Variants in ACSL3 observed in about 807,000 individuals in gnomAD.
ACSL3 encodes the protein acyl-CoA synthetase long chain family member 3, also known as fatty acid CoA ligase Acsl3.
A neutral mutation model predicts 84.7 loss-of-function variants in ACSL3; 34 were observed. The observed-to-expected ratio is 0.40, with a 90% CI of 0.31 to 0.53. The LOEUF (loss-of-function observed/expected upper bound fraction) is 0.53. Among genes scored for constraint, ACSL3 ranks in the 20% least tolerant of loss-of-function variants. ACSL3 has a pLI of 0.48. For synonymous variants in ACSL3, 315 were observed against 299.4 expected, an observed-to-expected ratio of 1.05 and a Z score of -0.54; for missense variants, 680 against 873.1, an observed-to-expected ratio of 0.78 and a Z score of 2.79.
In ACSL3 at chr2:222,921,319, C is replaced by T; in HGVS notation, c.845C>T (p.Ala282Val). The T allele has an allele frequency of 2.5e-6, 4 of 1,601,012 alleles. No individual in the cohort carries two copies. The highest frequency in any genetic ancestry group is 1.3e-5 in the African/African-American group (1 of 74,800). The part of the protein sequence containing the change: ...PHSKPLPSDI[A>V]VIMYTSGSTG... ...AGCAAACCATTGCCCTCAGATATTGCAGTAATCATGTACACAAGTGGATCC... is the reference window on the plus strand; with the variant it reads ...AGCAAACCATTGCCCTCAGATATTGTAGTAATCATGTACACAAGTGGATCC... Residue 282 changes from alanine (A) to valine (V), a missense_variant, in exon 8 of 17, where the codon GCA becomes GTA. This residue lies in a region of ACSL3 where 333 missense variants were observed against 347.5 expected (regional missense o/e 0.96). Transcript: ENST00000357430.
chr2:222,865,465 G>A (rs1223374826), intron 1 of ACSL3, among the ~76,000 whole-genome samples: 1 of 152,158 alleles, frequency 6.6e-6, no homozygotes, highest in African/African-American at 2.4e-5. Flanking sequence ...TGTTTTGCAA[G>A]GTACTCGGAA....
chr2:222,931,399 G>A (rs1697026930), intron 14 of ACSL3, among the ~76,000 whole-genome samples: 1 of 144,176 alleles, frequency 6.9e-6, no homozygotes, highest in Non-Finnish European at 1.5e-5. Context: ...GGGCAACAGA[G>A]CAAGACTCTG....
chr2:222,877,164 T>A (rs1695470543), intron 1 of ACSL3, among the ~76,000 whole-genome samples: 1 of 152,034 alleles, frequency 6.6e-6, no homozygotes, highest in African/African-American at 2.4e-5. Context: ...TTGAGAAAGA[T>A]GGTGGAGAGC....
rs1697354941 is a variant in ACSL3, at chr2:222,942,893, A to G, written c.*1239A>G. On this transcript the variant is annotated 3_prime_UTR_variant, in exon 17 of 17. Coordinates refer to ENST00000357430, the MANE Select transcript of ACSL3 (RefSeq NM_004457.5). ...TGTTGAAGTTATTTGTAATTCAGAA[A>G]CCTTGCTTGTGTGATACATAGTCTC... 1 of 179,340 alleles carries G rather than the reference A, an allele frequency of 5.6e-6. No individual in the cohort carries two copies. The highest frequency in any genetic ancestry group is 1.0e-5 in the Non-Finnish European group (1 of 99,150). The allele number at this position is 179,340 out of a possible 1,614,324, so 11.1% of individuals were successfully genotyped here.
intron 4 of ACSL3, among the ~76,000 whole-genome samples, chr2:222,911,334 C>T (rs1244933635): frequency 6.6e-6 from 1 of 152,204 alleles, no homozygotes; most frequent in Non-Finnish European, 1.5e-5. Context: ...CAGGCATGAG[C>T]CACAGCGCCC....
chr2:222,935,292 C>T (rs909118421), intron 16 of ACSL3, among the ~76,000 whole-genome samples: 13 of 152,050 alleles, frequency 8.5e-5, no homozygotes, highest in Non-Finnish European at 1.2e-4. Flanking sequence ...CAGGCTCAAG[C>T]GATTCTTCCC....
At chr2:222,876,246 A>T (rs980183998) in intron 1 of ACSL3, among the ~76,000 whole-genome samples, 2 of 152,168 alleles carry the variant, frequency 1.3e-5, no homozygotes, top group Admixed American at 6.5e-5. Context: ...CCCTACCCTC[A>T]TGTGGGATAG....
In ACSL3 at chr2:222,922,810, AC is replaced by A; in HGVS notation, c.1061del (p.Pro354HisfsTer4). On this transcript the variant is annotated frameshift_variant, in exon 9 of 17. Transcript: ENST00000357430. LOFTEE classifies it high-confidence loss of function. ...ACGGATGCCGCATTGGTTACTCTTC[AC>A]CACAGACTTTAGCAGATCAGGTAAG... ...SHGCRIGYSS[P>X]QTLADQSSKI... is the part of the protein sequence containing the mutation. 1 of 1,614,146 alleles carries A rather than the reference AC, an allele frequency of 6.2e-7. No homozygotes were observed. The highest frequency in any genetic ancestry group is 8.5e-7 in the Non-Finnish European group (1 of 1,179,984).
intron 1 of ACSL3, among the ~76,000 whole-genome samples, chr2:222,880,742 A>G (rs548389772): frequency 1.3e-5 from 2 of 151,220 alleles, no homozygotes; most frequent in South Asian, 2.1e-4. Flanking sequence ...AGACAGGAGA[A>G]TGGCGTGAAC....
intron 16 of ACSL3, among the ~76,000 whole-genome samples, chr2:222,937,751 C>G (rs1559305793): frequency 1.3e-5 from 2 of 152,028 alleles, no homozygotes; most frequent in Admixed American, 6.6e-5. Flanking sequence ...TTCAGTTGGT[C>G]AATCTGTATC....
chr2:222,894,498 T>C (rs1180627703), intron 2 of ACSL3, among the ~76,000 whole-genome samples: 1 of 152,272 alleles, frequency 6.6e-6, no homozygotes, highest in African/African-American at 2.4e-5. Flanking sequence ...TTTTGTTTGC[T>C]CATCTTTATT....
chr2:222,924,518 A>G lies in ACSL3; in HGVS notation c.1215A>G (p.Gln405=). ...MNKVSEMSSF[Q]RNLFILAYNY... ...AAGTCAGTGAAATGAGTAGTTTTCA[A>G]CGTAATCTGTTTATTCTGGCCTATA... The change falls in exon 11 of 17, where the codon CAA becomes CAG. Residue 405 remains glutamine (Q), a synonymous_variant. Transcript: ENST00000357430. 3.7e-6 allele frequency: 6 copies of G among 1,611,178 alleles called. No homozygotes were observed. The highest frequency in any genetic ancestry group is 5.1e-6 in the Non-Finnish European group (6 of 1,178,616).
intron 12 of ACSL3, among the ~76,000 whole-genome samples, chr2:222,928,562 G>A (rs1696941770): frequency 6.6e-6 from 1 of 151,852 alleles, no homozygotes; most frequent in African/African-American, 2.4e-5. Context: ...CGTCAGTTCT[G>A]CTGTACCTGA....
intron 4 of ACSL3, among the ~76,000 whole-genome samples, chr2:222,910,516 A>C (rs917316842): frequency 2.0e-5 from 3 of 152,168 alleles, no homozygotes; most frequent in Non-Finnish European, 4.4e-5. Flanking sequence ...CTCCTCTTTT[A>C]CTGGAGGGCC....
chr2:222,908,730 T>A lies in ACSL3; in HGVS notation c.-40-3T>A. 6.5e-7 allele frequency: 1 copy of A among 1,529,466 alleles called. No homozygotes were observed. The highest frequency in any genetic ancestry group is 2.4e-5 in the East Asian group (1 of 42,510). The allele number at this position is 1,529,466 out of a possible 1,614,324, so 94.7% of individuals were successfully genotyped here. A position where few individuals can be genotyped will look rare whatever the true frequency, so the allele number is the denominator to read the frequency against. On this transcript the variant is annotated splice_region_variant and splice_polypyrimidine_tract_variant and intron_variant, in intron 3 of 16. Transcript: ENST00000357430. The stretch of plus-strand genomic sequence containing the variant: ...CTAACGCCTTTCTTTTTCTTCCTCC[T>A]AGATTCTCGCTGAAGTCTGTTAATT...
rs114077383 is a variant in ACSL3 at position 222,911,983 on chromosome 2, A to G, written c.378+2833A>G. Among the ~76,000 whole-genome samples the G allele has an allele frequency of 1.9e-3, 285 of 152,324 alleles. 1 individual carries two copies. The highest frequency in any genetic ancestry group is 6.5e-3 in the African/African-American group (270 of 41,576). ...TAGTAAAAGGAGGTTTTGAATTTCT[A>G]TATGTCAGAAGATCTGCCTACTAGC... is the stretch of plus-strand genomic sequence containing the variant. On this transcript the variant is annotated intron_variant, in intron 4 of 16. Coordinates refer to ENST00000357430, the MANE Select transcript of ACSL3 (RefSeq NM_004457.5).
intron 1 of ACSL3, among the ~76,000 whole-genome samples, chr2:222,870,632 A>T (rs1189952791): frequency 6.6e-6 from 1 of 152,230 alleles, no homozygotes; most frequent in Non-Finnish European, 1.5e-5. Flanking sequence ...TAGGCTTTGA[A>T]TGTATGCAGA....
chr2:222,938,285 CTGTT>C (rs1386454691), intron 16 of ACSL3, among the ~76,000 whole-genome samples: 1 of 152,016 alleles, frequency 6.6e-6, no homozygotes, highest in Non-Finnish European at 1.5e-5. Context: ...TTTTGTGTTA[CTGTT>C]TGTTTTCATT....
chr2:222,880,605 G>C (rs1267918765), intron 1 of ACSL3, among the ~76,000 whole-genome samples: 3 of 152,000 alleles, frequency 2.0e-5, no homozygotes, highest in Non-Finnish European at 2.9e-5. Flanking sequence ...AAGGTGGGCG[G>C]ATCACGAGAT....
Sources: gnomAD v4.1 joint callset for allele counts (sites outside exome capture counted in the v4.1 genomes callset) on GRCh38, gnomAD v4.1.1 for gene constraint, gnomAD v4.1.1 regional missense constraint, MANE v1.5 for transcripts, NCBI Gene and HGNC (gene_info 2026-07-23, HGNC 2026-07-21) for gene names.